SLC4A4: variants seen among roughly 807,000 people sequenced by gnomAD.
The protein encoded by SLC4A4 is electrogenic sodium bicarbonate cotransporter 1.
A neutral mutation model predicts 111.5 loss-of-function variants in SLC4A4; 27 were observed. That is an observed-to-expected ratio of 0.24 (90% confidence interval 0.18 to 0.33). SLC4A4 has a LOEUF of 0.33. Among genes scored for constraint, SLC4A4 ranks in the 10% least tolerant of loss-of-function variants. SLC4A4 has a pLI of 1.00. For missense variants in SLC4A4, 909 were observed against 1,315.5 expected (o/e 0.69, Z 4.78); for synonymous variants, 443 against 463.4 (o/e 0.96, Z 0.57).
At chr4:71,212,379 G>A (rs1718187040) in intron 1 of SLC4A4, among the ~76,000 whole-genome samples, 1 of 152,212 alleles carries the variant, frequency 6.6e-6, no homozygotes, top group African/African-American at 2.4e-5. Flanking sequence ...GCAGAATTAT[G>A]TCTGACTGGG....
intron 2 of SLC4A4, among the ~76,000 whole-genome samples, chr4:71,251,596 G>A (rs141722579): frequency 1.3e-5 from 2 of 152,312 alleles, no homozygotes; most frequent in African/African-American, 2.4e-5. Context: ...TTGAACACAT[G>A]ATACTGAAGC....
chr4:71,138,910 C>T (rs1211604872), intron 2 of SLC4A4, among the ~76,000 whole-genome samples: 1 of 151,880 alleles, frequency 6.6e-6, no homozygotes, highest in African/African-American at 2.4e-5. Context: ...GTGGTGGGCG[C>T]CTGCAGTCCC....
At position 71,481,785 on chromosome 4, in the gene SLC4A4, A is replaced by G. The variant is rs1023770345; in HGVS notation, c.1904-5163A>G. Among the ~76,000 whole-genome samples the G allele has an allele frequency of 6.6e-5, 10 of 151,914 alleles. No individual in the cohort carries two copies. The South Asian group carries it at 1.9e-3, about 28-fold the overall frequency. ...CCCTCATTCCAGAAAATCAGCTAAA[A>G]TCTGATACATGGGAAGGAGGAAAGA... On this transcript the variant is annotated intron_variant, in intron 14 of 25. Coordinates refer to ENST00000264485, the MANE Select transcript of SLC4A4 (RefSeq NM_001098484.3).
intron 1 of SLC4A4, among the ~76,000 whole-genome samples, chr4:71,196,834 CAAAAAAAAAAAAAAAAAAAAAAAAAA>C (rs71212000): frequency 3.0e-4 from 6 of 20,330 alleles, no homozygotes; most frequent in South Asian, 3.2e-3. Flanking sequence ...ACTCTGTCTC[CAAAAAAAAAAAAAAAAAAAAAAAAAA>C]AAAAAAAAAA....
intron 1 of SLC4A4, among the ~76,000 whole-genome samples, chr4:71,089,630 G>T (rs1008816306): frequency 6.6e-6 from 1 of 151,874 alleles, no homozygotes; most frequent in East Asian, 1.9e-4. Flanking sequence ...GGACCCTCAG[G>T]TGCAGGTCTT....
intron 2 of SLC4A4, among the ~76,000 whole-genome samples, chr4:71,164,265 C>A (rs1362756307): frequency 6.6e-6 from 1 of 151,770 alleles, no homozygotes; most frequent in East Asian, 1.9e-4. Flanking sequence ...ACTGTAATCC[C>A]AGCTACTCAA....
intron 2 of SLC4A4, among the ~76,000 whole-genome samples, chr4:71,143,225 T>G (rs900425415): frequency 2.0e-5 from 3 of 152,174 alleles, no homozygotes; most frequent in Admixed American, 2.0e-4. Context: ...TGTGATAGTT[T>G]GCTGAGAGTG....
chr4:71,160,310 T>C (rs1453678989), intron 2 of SLC4A4, among the ~76,000 whole-genome samples: 2 of 151,512 alleles, frequency 1.3e-5, no homozygotes, highest in African/African-American at 4.9e-5. Flanking sequence ...ATCTTATTCA[T>C]GTGTCTGGGT....
At chr4:71,184,106 G>A (rs910514998), upstream of SLC4A4, among the ~76,000 whole-genome samples, 1 of 152,122 alleles carries the variant, frequency 6.6e-6, no homozygotes, top group Non-Finnish European at 1.5e-5. Flanking sequence ...CCTATTTTAT[G>A]TAATGAGGAA....
chr4:71,516,377 G>A (rs950224356), intron 16 of SLC4A4, among the ~76,000 whole-genome samples: 9 of 152,038 alleles, frequency 5.9e-5, no homozygotes, highest in Non-Finnish European at 1.0e-4. Context: ...GATTACAGGC[G>A]TGAGCCACCG....
intron 2 of SLC4A4, among the ~76,000 whole-genome samples, chr4:71,161,518 C>A (rs1221212987): frequency 6.6e-6 from 1 of 152,098 alleles, no homozygotes; most frequent in Non-Finnish European, 1.5e-5. Flanking sequence ...TGTTGGCTAA[C>A]CTTATTTGTA....
chr4:71,087,730 A>C (rs1199561242), intron 1 of SLC4A4, among the ~76,000 whole-genome samples: 1 of 151,832 alleles, frequency 6.6e-6, no homozygotes, highest in African/African-American at 2.4e-5. Flanking sequence ...CAAGTTTCTT[A>C]ATCCTGAGTT....
intron 2 of SLC4A4, among the ~76,000 whole-genome samples, chr4:71,098,285 C>A (rs1177492461): frequency 6.6e-6 from 1 of 152,110 alleles, no homozygotes; most frequent in African/African-American, 2.4e-5. Flanking sequence ...AATAGGTAGC[C>A]CTTTCCCCGT....
chr4:71,368,830 CT>C (rs1404590718), intron 6 of SLC4A4, among the ~76,000 whole-genome samples: 1 of 152,128 alleles, frequency 6.6e-6, no homozygotes, highest in Non-Finnish European at 1.5e-5. Flanking sequence ...TTTTTTTAGA[CT>C]TTTTCATTCT....
chr4:71,492,400 A>T (rs1730012258), intron 15 of SLC4A4, among the ~76,000 whole-genome samples: 1 of 151,968 alleles, frequency 6.6e-6, no homozygotes, highest in Non-Finnish European at 1.5e-5. Flanking sequence ...ACTCAGTATA[A>T]CAGGGTAATT....
intron 20 of SLC4A4, among the ~76,000 whole-genome samples, chr4:71,551,557 A>G (rs1001545975): frequency 1.3e-5 from 2 of 151,912 alleles, no homozygotes; most frequent in Non-Finnish European, 2.9e-5. Flanking sequence ...AAATTTATTA[A>G]TGACTTACCA....
intron 12 of SLC4A4, among the ~76,000 whole-genome samples, chr4:71,459,566 A>C (rs930378905): frequency 3.3e-5 from 5 of 152,050 alleles, no homozygotes; most frequent in African/African-American, 1.2e-4. Context: ...CACATGATGC[A>C]TGTGCTATTA....
At chr4:71,527,107 G>C (rs1733488116) in intron 16 of SLC4A4, among the ~76,000 whole-genome samples, 1 of 151,928 alleles carries the variant, frequency 6.6e-6, no homozygotes, top group African/African-American at 2.4e-5. Flanking sequence ...TTAGGACGTG[G>C]GCATCTTTAG....
At chr4:71,090,873 G>A (rs1014704648) in intron 1 of SLC4A4, among the ~76,000 whole-genome samples, 7 of 152,192 alleles carry the variant, frequency 4.6e-5, no homozygotes, top group African/African-American at 1.7e-4. Flanking sequence ...AAGGAAGTTG[G>A]GCCAAATAAG....
Sources: allele counts gnomAD v4.1 joint callset (sites outside exome capture counted in the v4.1 genomes callset), GRCh38; gene constraint gnomAD v4.1.1; transcripts MANE v1.5; gene names NCBI Gene and HGNC (gene_info 2026-07-23, HGNC 2026-07-21).